Variants in MYO3B observed in about 807,000 individuals in gnomAD.
MYO3B encodes the protein myosin-IIIb.
A neutral mutation model predicts 174.6 loss-of-function variants in MYO3B; 156 were observed. That is an observed-to-expected ratio of 0.89 (90% CI 0.78 to 1.02). The LOEUF is 1.02. Among genes scored for constraint, MYO3B ranks in the 50% least tolerant of loss-of-function variants. The probability of loss-of-function intolerance (pLI) is 0.00; values close to 1 mark genes in which losing one functional copy is unlikely to be tolerated. For synonymous variants in MYO3B, 563 were observed against 569.1 expected (o/e 0.99, Z 0.15); for missense variants, 1,632 against 1,639.4 (o/e 1.00, Z 0.08).
At chr2:170,228,275 T>C (rs1207604291) in intron 6 of MYO3B, among the ~76,000 whole-genome samples, 1 of 152,214 alleles carries the variant, frequency 6.6e-6, no homozygotes, top group African/African-American at 2.4e-5. Flanking sequence ...ATGAACCAAC[T>C]GTGTGATTTC....
intron 25 of MYO3B, 59 bp downstream of exon 25, chr2:170,466,770 C>G (rs1684665238): frequency 6.5e-7 from 1 of 1,546,276 alleles, no homozygotes; most frequent in East Asian, 2.3e-5. Flanking sequence ...CTGGCCATCC[C>G]TGTGTCCTAA....
intron 32 of MYO3B, among the ~76,000 whole-genome samples, chr2:170,575,755 A>G (rs2106288884): frequency 6.6e-6 from 1 of 152,298 alleles, no homozygotes. Flanking sequence ...TATACTTCTA[A>G]TATTTCCTCT....
rs1017539574 is a variant in MYO3B, at chr2:170,570,726, C to G, written c.3733+26738C>G. On this transcript the variant is annotated intron_variant, in intron 32 of 34. Transcript: ENST00000408978. ...TTTTGATTATTTGTCCTTGAAGAAA[C>G]AGTCATTTGCGCGTTATTCTGGCCT... 4.6e-5 allele frequency among the ~76,000 whole-genome samples: 7 copies of G among 152,172 alleles called. No individual in the cohort carries two copies. The East Asian group carries it at 9.6e-4, about 21-fold the overall frequency.
At position 170,392,498 on chromosome 2, in the gene MYO3B, A is replaced by G; in HGVS notation, c.1791+3A>G. 2 of 1,519,624 alleles carry G rather than the reference A, an allele frequency of 1.3e-6. No individual in the cohort carries two copies. Among genetic ancestry groups the G allele is most frequent in the Non-Finnish European group, 1.8e-6 (2 of 1,118,338 alleles). The allele number at this position is 1,519,624 out of a possible 1,614,324, so 94.1% of individuals were successfully genotyped here. On this transcript the variant is annotated splice_donor_region_variant and intron_variant, in intron 16 of 34. Coordinates refer to ENST00000408978, the MANE Select transcript of MYO3B (RefSeq NM_138995.5). ...GGATTATAGGGTTCACGGACAAAGTAAGTGATGATCAAGAGAGGAACTCAA... is the reference window on the plus strand; with the variant it reads ...GGATTATAGGGTTCACGGACAAAGTGAGTGATGATCAAGAGAGGAACTCAA...
rs761820722 is a variant in MYO3B at position 170,236,095 on chromosome 2, C to G, written c.708C>G (p.Leu236=). 8.1e-6 allele frequency: 13 copies of G among 1,614,150 alleles called. No individual in the cohort carries two copies. The highest frequency in any genetic ancestry group is 1.1e-5 in the Non-Finnish European group (13 of 1,180,024). The change falls in exon 7 of 35, where the codon CTC becomes CTG. Residue 236 remains leucine, a synonymous_variant. Coordinates refer to ENST00000408978, the MANE Select transcript of MYO3B (RefSeq NM_138995.5). ...AIELGDGDPP[L]FDMHPVKTLF... ...AACTGGGGGATGGAGACCCTCCCCTCTTTGACATGCATCCTGTGAAAACAC... is the reference window on the plus strand; with the variant it reads ...AACTGGGGGATGGAGACCCTCCCCTGTTTGACATGCATCCTGTGAAAACAC...
At chr2:170,462,378 T>A (rs567560073) in intron 23 of MYO3B, among the ~76,000 whole-genome samples, 1 of 152,330 alleles carries the variant, frequency 6.6e-6, no homozygotes, top group African/African-American at 2.4e-5. Flanking sequence ...TCTTTACCCA[T>A]CCCAGATGAA....
At chr2:170,217,471 T>C in intron 6 of MYO3B, 76 bp downstream of exon 6, 1 of 1,258,458 alleles carries the variant, frequency 7.9e-7, no homozygotes, top group Non-Finnish European at 1.2e-6. Context: ...GGGTAAGTCA[T>C]ATGCTTTGCA....
intron 3 of MYO3B, among the ~76,000 whole-genome samples, chr2:170,213,283 C>G (rs953424535): frequency 3.3e-5 from 5 of 152,160 alleles, no homozygotes; most frequent in African/African-American, 1.2e-4. Context: ...GCCGAGCTCT[C>G]TGAGTGAGCA....
chr2:170,392,564 T>G, intron 16 of MYO3B, 69 bp downstream of exon 16: 1 of 1,051,348 alleles, frequency 9.5e-7, no homozygotes, highest in Non-Finnish European at 1.3e-6. Flanking sequence ...AGATGTGGTA[T>G]TTCTCACTTG....
chr2:170,479,998 G>A (rs1575047868), intron 25 of MYO3B, among the ~76,000 whole-genome samples: 1 of 146,974 alleles, frequency 6.8e-6, no homozygotes, highest in Non-Finnish European at 1.5e-5. Flanking sequence ...CTATATATAT[G>A]TGTGTATGTA....
At position 170,631,047 on chromosome 2, in the gene MYO3B, G is replaced by A. The variant is rs558875235; in HGVS notation, c.3734-20581G>A. Among the ~76,000 whole-genome samples the A allele has an allele frequency of 9.2e-5, 14 of 152,314 alleles. No homozygotes were observed. The South Asian group carries it at 1.2e-3, about 14-fold the overall frequency. ...TGCCAGCAACAGAACAAAGCTGGAC[G>A]GAGAATGACTTTGACGAGTTGAGAG... On this transcript the variant is annotated intron_variant, in intron 32 of 34. Transcript: ENST00000408978.
rs112136882 is a variant in MYO3B, at chr2:170,597,234, A to G, written c.3733+53246A>G. Among the ~76,000 whole-genome samples, 171 of 152,156 alleles carry G rather than the reference A, an allele frequency of 1.1e-3. 1 individual carries two copies. The highest frequency in any genetic ancestry group is 2.8e-3 in the African/African-American group (116 of 41,528). On this transcript the variant is annotated intron_variant, in intron 32 of 34. Coordinates refer to ENST00000408978, the MANE Select transcript of MYO3B (RefSeq NM_138995.5). The stretch of plus-strand genomic sequence containing the variant: ...AAAATACAAACAAAATTAGCCGGGC[A>G]TGGTGGCACACCTGTAATCCCAGCT...
chr2:170,530,726 A>G (rs1362729162), intron 30 of MYO3B, among the ~76,000 whole-genome samples: 1 of 152,166 alleles, frequency 6.6e-6, no homozygotes, highest in African/African-American at 2.4e-5. Context: ...TTTTTTCTCC[A>G]AGGGAGGGCA....
At chr2:170,184,893 T>A (rs1273248071) in intron 1 of MYO3B, among the ~76,000 whole-genome samples, 1 of 152,180 alleles carries the variant, frequency 6.6e-6, no homozygotes, top group Admixed American at 6.5e-5. Flanking sequence ...TTAACTGGGG[T>A]GAGATGATAT....
intron 32 of MYO3B, among the ~76,000 whole-genome samples, chr2:170,626,310 G>A (rs954789537): frequency 1.7e-4 from 26 of 152,242 alleles, no homozygotes; most frequent in Non-Finnish European, 3.7e-4. Context: ...ATTATGTAAT[G>A]GCCTTCTTTA....
intron 1 of MYO3B, among the ~76,000 whole-genome samples, chr2:170,195,819 C>T (rs2092593800): frequency 6.6e-6 from 1 of 152,186 alleles, no homozygotes; most frequent in South Asian, 2.1e-4. Flanking sequence ...ACAGTCAAGC[C>T]ACACCCCTGC....
At chr2:170,486,299 C>CTTTTTT (rs10715918) in intron 25 of MYO3B, among the ~76,000 whole-genome samples, 6 of 99,192 alleles carry the variant, frequency 6.0e-5, no homozygotes, top group African/African-American at 1.2e-4. Flanking sequence ...AGAATCCATT[C>CTTTTTT]TTTTTTTTTT....
At chr2:170,577,197 A>T (rs72881869) in intron 32 of MYO3B, among the ~76,000 whole-genome samples, 18,994 of 152,232 alleles carry the variant, frequency 0.12, 1,352 homozygotes, top group Non-Finnish European at 0.16. Flanking sequence ...AAGAGCAAAA[A>T]ATTCTATGTA....
intron 23 of MYO3B, among the ~76,000 whole-genome samples, chr2:170,462,547 G>A (rs144412992): frequency 9.6e-4 from 146 of 152,346 alleles, no homozygotes; most frequent in African/African-American, 3.3e-3. Context: ...CTGCCTGGAC[G>A]GCAGTCCACC....
Sources: gnomAD v4.1 joint callset for allele counts (sites outside exome capture counted in the v4.1 genomes callset) on GRCh38, gnomAD v4.1.1 for gene constraint, MANE v1.5 for transcripts, NCBI Gene and HGNC (gene_info 2026-07-23, HGNC 2026-07-21) for gene names.